BPI: variants seen among roughly 807,000 people sequenced by gnomAD.
The protein encoded by BPI is bactericidal permeability increasing protein.
In BPI, 48 loss-of-function variants were observed where a neutral mutation model predicts 57.6. The observed-to-expected ratio is 0.83, with a 90% CI of 0.66 to 1.06. BPI has a LOEUF of 1.06. BPI is among the 50% of genes least tolerant of loss of function. The pLI, the probability that BPI is intolerant of heterozygous loss-of-function variation, is 0.00. For missense variants in BPI, 651 were observed against 609.7 expected (o/e 1.07, Z -0.71); for synonymous variants, 237 against 238.2 (o/e 0.99, Z 0.05).
rs771600243 is a variant in BPI at position 38,335,644 on chromosome 20, G to C, written c.1383G>C (p.Gln461His). The change falls in exon 14 of 15, where the codon CAG becomes CAC. Residue 461 changes from glutamine (Q) to histidine (H), a missense_variant. By Grantham distance (24) the Gln-to-His change is conservative. Coordinates refer to ENST00000642449, the MANE Select transcript of BPI (RefSeq NM_001725.3). ...GFPLPTPARV[Q>H]LYNVVLQPHQ... is the part of the protein sequence containing the mutation. ...CTCTCCCGACGCCGGCCAGAGTCCA[G>C]CTCTACAACGTAGTGCTTCAGCCTC... The C allele has an allele frequency of 5.0e-6, 8 of 1,614,162 alleles. No homozygotes were observed. The South Asian group carries it at 6.6e-5, about 13-fold the overall frequency.
intron 1 of BPI, among the ~76,000 whole-genome samples, chr20:38,305,592 C>T (rs2076593166): frequency 6.6e-6 from 1 of 152,118 alleles, no homozygotes; most frequent in South Asian, 2.1e-4. Context: ...CACACAGTGA[C>T]CAGTTATGTG....
At chr20:38,335,116 G>T (rs966454437) in intron 13 of BPI, among the ~76,000 whole-genome samples, 105 of 152,152 alleles carry the variant, frequency 6.9e-4, no homozygotes, top group African/African-American at 2.3e-3. Flanking sequence ...GACAAATGTA[G>T]CTTTGTAATG....
At chr20:38,329,077 C>T (rs2076729117) in intron 11 of BPI, among the ~76,000 whole-genome samples, 1 of 151,714 alleles carries the variant, frequency 6.6e-6, no homozygotes. Context: ...AAGGGAGTTT[C>T]AGACATAGAG....
intron 5 of BPI, among the ~76,000 whole-genome samples, 171 bp downstream of exon 5, chr20:38,312,108 A>G (rs1002415755): frequency 3.4e-4 from 52 of 152,086 alleles, no homozygotes; most frequent in African/African-American, 1.2e-3. Context: ...GTTTTGCTGA[A>G]GAGTCCACCA....
chr20:38,307,712 T>C, intron 2 of BPI, 31 bp downstream of exon 2: 1 of 1,553,568 alleles, frequency 6.4e-7, no homozygotes, highest in Non-Finnish European at 8.9e-7. Context: ...ATCCTCGATT[T>C]GCAGGACTTG....
intron 1 of BPI, among the ~76,000 whole-genome samples, chr20:38,307,029 T>TA (rs201520471): frequency 3.3e-5 from 5 of 151,760 alleles, no homozygotes; most frequent in African/African-American, 4.8e-5. Flanking sequence ...GCAAAAATGT[T>TA]AAAAAAAAAT....
At chr20:38,307,542 T>A in intron 1 of BPI, 25 bp from the exon 2 acceptor site, 5 of 1,562,824 alleles carry the variant, frequency 3.2e-6, no homozygotes, top group Non-Finnish European at 4.4e-6. Context: ...TGCCTCTCAC[T>A]GTCACCCCTG....
intron 9 of BPI, among the ~76,000 whole-genome samples, chr20:38,325,959 A>C (rs1466760561): frequency 6.6e-6 from 1 of 152,062 alleles, no homozygotes; most frequent in African/African-American, 2.4e-5. Context: ...AGCCGAGAGA[A>C]GAATGCGAGG....
At chr20:38,331,276 T>C (rs537344445) in intron 12 of BPI, among the ~76,000 whole-genome samples, 186 bp downstream of exon 12, 1 of 152,326 alleles carries the variant, frequency 6.6e-6, no homozygotes, top group East Asian at 1.9e-4. Context: ...GCTCCATACT[T>C]ACTAACTGTG....
intron 14 of BPI, 123 bp from the exon 15 acceptor site, chr20:38,337,023 C>A: frequency 1.1e-6 from 1 of 911,516 alleles, no homozygotes; most frequent in Non-Finnish European, 1.7e-6. Flanking sequence ...CCCCCACTGG[C>A]CCTGCCTTTC....
rs1202775065 is a variant in BPI at position 38,320,289 on chromosome 20, G to A, written c.756+15G>A. On this transcript the variant is annotated intron_variant, in intron 7 of 14. Coordinates refer to ENST00000642449, the MANE Select transcript of BPI (RefSeq NM_001725.3). ...TACAGATGAAGGTGAGGCTGACACT[G>A]AGAATCATACACCCTCACACCTCTG... 3.1e-6 allele frequency: 5 copies of A among 1,610,892 alleles called. No individual in the cohort carries two copies. The highest frequency in any genetic ancestry group is 4.2e-6 in the Non-Finnish European group (5 of 1,177,630).
intron 2 of BPI, 115 bp from the exon 3 acceptor site, chr20:38,308,815 A>G: frequency 7.3e-7 from 1 of 1,372,588 alleles, no homozygotes; most frequent in South Asian, 1.4e-5. Flanking sequence ...CCTGGAATGG[A>G]TGGAGTGAAG....
intron 6 of BPI, among the ~76,000 whole-genome samples, chr20:38,319,481 G>A (rs2076669992): frequency 6.6e-6 from 1 of 152,216 alleles, no homozygotes; most frequent in African/African-American, 2.4e-5. Flanking sequence ...CAGAACAGGA[G>A]CCCATCCTGG....
At chr20:38,327,449 CT>C (rs1194209528) in intron 10 of BPI, 138 bp from the exon 11 acceptor site, 5 of 819,048 alleles carry the variant, frequency 6.1e-6, no homozygotes, top group African/African-American at 5.1e-5. Context: ...AGTCTCCCCA[CT>C]CCTCTGGCTC....
chr20:38,324,941 C>A, intron 9 of BPI, 108 bp downstream of exon 9: 1 of 885,602 alleles, frequency 1.1e-6, no homozygotes, highest in Non-Finnish European at 1.9e-6. Flanking sequence ...CACACAAGAT[C>A]CAGAAACAAC....
chr20:38,335,328 G>A (rs533096216), intron 13 of BPI: 42 of 523,612 alleles, frequency 8.0e-5, no homozygotes, highest in Non-Finnish European at 1.4e-4. Flanking sequence ...TTGGTTTAGT[G>A]TATACCAGCA....
intron 5 of BPI, among the ~76,000 whole-genome samples, chr20:38,314,762 G>T (rs138669371): frequency 2.5e-4 from 37 of 148,394 alleles, no homozygotes; most frequent in African/African-American, 9.0e-4. Context: ...TGGTGGTGAT[G>T]GTAATGGTGG....
intron 7 of BPI, 85 bp downstream of exon 7, chr20:38,320,359 C>A: frequency 3.2e-6 from 4 of 1,240,194 alleles, no homozygotes; most frequent in Non-Finnish European, 4.6e-6. Context: ...ACAAACTTAA[C>A]AATGTCCCCT....
chr20:38,327,733 T>A, intron 11 of BPI, 78 bp downstream of exon 11: 2 of 1,497,188 alleles, frequency 1.3e-6, no homozygotes, highest in Non-Finnish European at 1.9e-6. Flanking sequence ...TCCTGTGATA[T>A]ACAGAAGCAC....
Sources: gnomAD v4.1 joint callset for allele counts (sites outside exome capture counted in the v4.1 genomes callset) on GRCh38, gnomAD v4.1.1 for gene constraint, MANE v1.5 for transcripts, NCBI Gene and HGNC (gene_info 2026-07-23, HGNC 2026-07-21) for gene names.